Variants in PPP1R12A observed in about 807,000 individuals in gnomAD.
PPP1R12A encodes the protein protein phosphatase 1 regulatory subunit 12A, also known as myosin binding subunit.
A neutral mutation model predicts 139.6 loss-of-function variants in PPP1R12A; 19 were observed. That is an observed-to-expected ratio of 0.14 (90% CI 0.09 to 0.20). The LOEUF (loss-of-function observed/expected upper bound fraction) is 0.20. Ranked by LOEUF, PPP1R12A falls within the 10% of genes least tolerant of loss-of-function variation. PPP1R12A has a pLI of 1.00. For missense variants in PPP1R12A, 925 were observed against 1,211.5 expected (o/e 0.76, Z 3.51); for synonymous variants, 427 against 420.6 (o/e 1.02, Z -0.19).
At position 79,796,966 on chromosome 12, in the gene PPP1R12A, A is replaced by G; in HGVS notation, c.2293-16T>C. On this transcript the variant is annotated splice_polypyrimidine_tract_variant and intron_variant, in intron 16 of 24. Coordinates refer to ENST00000450142, the MANE Select transcript of PPP1R12A (RefSeq NM_002480.3). Reference sequence around the variant, plus strand: ...GCTGGTAAGTCTGTGAAACATTAAGATCAAAACCCATTTGAAACATTAAAC... The same window carrying G: ...GCTGGTAAGTCTGTGAAACATTAAGGTCAAAACCCATTTGAAACATTAAAC... 6.3e-7 allele frequency: 1 copy of G among 1,579,654 alleles called. No homozygotes were observed. Among genetic ancestry groups the G allele is most frequent in the Non-Finnish European group, 8.6e-7 (1 of 1,168,124 alleles).
At chr12:79,883,045 G>A (rs1248037369) in intron 1 of PPP1R12A, among the ~76,000 whole-genome samples, 20 of 152,102 alleles carry the variant, frequency 1.3e-4, no homozygotes, top group Non-Finnish European at 1.5e-5. Context: ...GTGGAGGCAG[G>A]AGAATTGCTT....
chr12:79,825,775 T>C (rs1398741441), intron 5 of PPP1R12A, among the ~76,000 whole-genome samples: 1 of 151,980 alleles, frequency 6.6e-6, no homozygotes, highest in East Asian at 1.9e-4. Flanking sequence ...CAATATAAAT[T>C]CACATAGGCA....
intron 1 of PPP1R12A, among the ~76,000 whole-genome samples, chr12:79,906,445 T>A (rs1592808090): frequency 6.6e-6 from 1 of 152,124 alleles, no homozygotes; most frequent in Non-Finnish European, 1.5e-5. Context: ...TCTTATTTCT[T>A]ATTTTCTAAA....
At chr12:79,921,223 A>G (rs1887413084) in intron 1 of PPP1R12A, among the ~76,000 whole-genome samples, 1 of 152,216 alleles carries the variant, frequency 6.6e-6, no homozygotes, top group African/African-American at 2.4e-5. Context: ...GAGAAAACAG[A>G]AAAAGACCCT....
chr12:79,893,897 C>A (rs1200518955), intron 1 of PPP1R12A, among the ~76,000 whole-genome samples: 1 of 152,154 alleles, frequency 6.6e-6, no homozygotes, highest in Non-Finnish European at 1.5e-5. Context: ...TACCAGAGTA[C>A]AAGTAAGTTA....
At chr12:79,867,092 T>A (rs759775691) in intron 2 of PPP1R12A, among the ~76,000 whole-genome samples, 2 of 152,158 alleles carry the variant, frequency 1.3e-5, no homozygotes, top group Non-Finnish European at 2.9e-5. Context: ...AATGACAGAC[T>A]GGGTTAAGCA....
At chr12:79,896,637 T>C (rs1177869972) in intron 1 of PPP1R12A, among the ~76,000 whole-genome samples, 1 of 152,168 alleles carries the variant, frequency 6.6e-6, no homozygotes, top group Non-Finnish European at 1.5e-5. Context: ...CAGTGCAAAA[T>C]ATATTTATAC....
chr12:79,853,387 T>C (rs1880280149), intron 2 of PPP1R12A, among the ~76,000 whole-genome samples: 1 of 152,202 alleles, frequency 6.6e-6, no homozygotes, highest in Non-Finnish European at 1.5e-5. Flanking sequence ...GGTCCTGAGA[T>C]CCCTAGCTCC....
chr12:79,846,243 AC>A (rs1445059297), intron 2 of PPP1R12A, among the ~76,000 whole-genome samples: 22 of 152,320 alleles, frequency 1.4e-4, no homozygotes, highest in African/African-American at 5.3e-4. Flanking sequence ...GCTTCTGTGT[AC>A]TCTGTATTTT....
chr12:79,808,990 C>G (rs1874196785), intron 10 of PPP1R12A, among the ~76,000 whole-genome samples: 1 of 152,018 alleles, frequency 6.6e-6, no homozygotes, highest in Non-Finnish European at 1.5e-5. Flanking sequence ...AATCAATGCT[C>G]TCAAATACAT....
At chr12:79,794,869 A>C (rs763425764) in intron 18 of PPP1R12A, among the ~76,000 whole-genome samples, 20 of 152,120 alleles carry the variant, frequency 1.3e-4, no homozygotes, top group Non-Finnish European at 2.1e-4. Context: ...CAGTTATAAA[A>C]TTTATAGTTC....
At chr12:79,873,298 G>A (rs1882756105) in intron 1 of PPP1R12A, among the ~76,000 whole-genome samples, 1 of 151,848 alleles carries the variant, frequency 6.6e-6, no homozygotes, top group African/African-American at 2.4e-5. Flanking sequence ...ATTCCTTTAG[G>A]GAGTTGATTA....
chr12:79,845,663 T>C (rs1592705536), intron 2 of PPP1R12A, among the ~76,000 whole-genome samples: 1 of 152,058 alleles, frequency 6.6e-6, no homozygotes, highest in African/African-American at 2.4e-5. Context: ...GGTGAAACCC[T>C]GTCTCTACTA....
chr12:79,882,491 T>G (rs971379431), intron 1 of PPP1R12A, among the ~76,000 whole-genome samples: 3 of 152,180 alleles, frequency 2.0e-5, no homozygotes, highest in African/African-American at 7.2e-5. Context: ...TGATTAAAAC[T>G]TGAATAGATG....
intron 2 of PPP1R12A, among the ~76,000 whole-genome samples, chr12:79,871,775 G>C (rs1361017562): frequency 6.6e-6 from 1 of 152,102 alleles, no homozygotes; most frequent in East Asian, 1.9e-4. Context: ...TCGAGATTGA[G>C]CGGGAAAAGT....
chr12:79,789,022 G>A (rs1207892192), intron 20 of PPP1R12A, among the ~76,000 whole-genome samples: 4 of 152,032 alleles, frequency 2.6e-5, no homozygotes, highest in African/African-American at 7.2e-5. Flanking sequence ...CTGCAGACTC[G>A]ACTTCTCGGG....
At position 79,806,220 on chromosome 12, in the gene PPP1R12A, GT is replaced by G. The variant is rs2048536387; in HGVS notation, c.1768del (p.Thr590GlnfsTer41). The G allele has an allele frequency of 6.2e-7, 1 of 1,613,868 alleles. No homozygotes were observed. The highest frequency in any genetic ancestry group is 1.3e-5 in the African/African-American group (1 of 74,930). ...AGLQKSLLSS[T>X]STTTKITTGS... is the part of the protein sequence containing the mutation. ...CGTTGTAATCTTTGTAGTAGTGCTTGTGCTGGAAAGCAGGCTTTTCTGAAGC... is the reference window on the plus strand; with the variant it reads ...CGTTGTAATCTTTGTAGTAGTGCTTGGCTGGAAAGCAGGCTTTTCTGAAGC... On this transcript the variant is annotated frameshift_variant, in exon 13 of 25. Coordinates refer to ENST00000450142, the MANE Select transcript of PPP1R12A (RefSeq NM_002480.3). LOFTEE classifies it high-confidence loss of function.
chr12:79,799,977 C>A (rs1444343795), intron 14 of PPP1R12A, among the ~76,000 whole-genome samples: 1 of 151,806 alleles, frequency 6.6e-6, no homozygotes, highest in Non-Finnish European at 1.5e-5. Context: ...CACCCCGCAG[C>A]GTGGGTGACA....
At chr12:79,795,463 A>C (rs932641748) in intron 18 of PPP1R12A, among the ~76,000 whole-genome samples, 175 bp downstream of exon 18, 1 of 152,174 alleles carries the variant, frequency 6.6e-6, no homozygotes. Context: ...CCAACAATCT[A>C]AGTAGTTAAC....
Sources: allele counts gnomAD v4.1 joint callset (sites outside exome capture counted in the v4.1 genomes callset), GRCh38; gene constraint gnomAD v4.1.1; transcripts MANE v1.5; gene names NCBI Gene and HGNC (gene_info 2026-07-23, HGNC 2026-07-21).